NFKB1: variants seen among roughly 807,000 people sequenced by gnomAD.
NFKB1 encodes nuclear factor kappa B subunit 1.
In NFKB1, 9 loss-of-function variants were observed where a neutral mutation model predicts 105.1. The observed-to-expected ratio is 0.09, with a 90% CI of 0.05 to 0.15. The LOEUF (loss-of-function observed/expected upper bound fraction) is 0.15, where lower values mean the gene tolerates loss of function less well. NFKB1 is among the 10% of genes least tolerant of loss of function. The pLI, the probability that NFKB1 is intolerant of heterozygous loss-of-function variation, is 1.00. For missense variants in NFKB1, 830 were observed against 1,203.7 expected (o/e 0.69, Z 4.59); for synonymous variants, 440 against 442.2 (o/e 1.00, Z 0.06).
chr4:102,588,442 A>G (rs970804889), intron 11 of NFKB1, among the ~76,000 whole-genome samples: 1 of 151,930 alleles, frequency 6.6e-6, no homozygotes, highest in African/African-American at 2.4e-5. Context: ...GCTGTACAAA[A>G]GCAAAAAAAA....
chr4:102,578,596 G>C (rs1044748652), intron 7 of NFKB1: 35 of 478,380 alleles, frequency 7.3e-5, no homozygotes, highest in Non-Finnish European at 2.2e-5. Context: ...ACTGTAGAGA[G>C]GAAAGGGAAA....
At chr4:102,606,387 A>T in intron 16 of NFKB1, 109 bp from the exon 17 acceptor site, 1 of 1,027,888 alleles carries the variant, frequency 9.7e-7, no homozygotes, top group Non-Finnish European at 1.5e-6. Flanking sequence ...GGGAATGAGA[A>T]ATATTCCTGC....
chr4:102,539,687 G>T (rs1425006593), intron 5 of NFKB1, among the ~76,000 whole-genome samples: 1 of 152,070 alleles, frequency 6.6e-6, no homozygotes, highest in Admixed American at 6.6e-5. Context: ...TAATCTCTTA[G>T]AAATCTCAGT....
intron 1 of NFKB1, among the ~76,000 whole-genome samples, chr4:102,512,747 A>G (rs1350286962): frequency 6.6e-6 from 1 of 152,194 alleles, no homozygotes; most frequent in Non-Finnish European, 1.5e-5. Flanking sequence ...GTGTATGTGT[A>G]ATCGGAAGGC....
intron 11 of NFKB1, among the ~76,000 whole-genome samples, chr4:102,587,305 AT>A (rs1415296742): frequency 6.6e-6 from 1 of 152,140 alleles, no homozygotes; most frequent in African/African-American, 2.4e-5. Context: ...AATATGGATA[AT>A]TTTTTTAGAC....
In NFKB1 at chr4:102,584,837, A is replaced by G; in HGVS notation, c.1066+17A>G. ...AAATCAAAGGTAAGTCAGTTGTTTA[A>G]AATCTTATGCTCATATTTTATTTTA... On this transcript the variant is annotated intron_variant, in intron 11 of 23. Coordinates refer to ENST00000226574, the MANE Select transcript of NFKB1 (RefSeq NM_003998.4). The G allele has an allele frequency of 6.3e-7, 1 of 1,578,862 alleles. No homozygotes were observed. Among genetic ancestry groups the G allele is most frequent in the Non-Finnish European group, 8.6e-7 (1 of 1,166,878 alleles).
At chr4:102,604,554 T>C (rs1727519126) in intron 16 of NFKB1, among the ~76,000 whole-genome samples, 1 of 152,078 alleles carries the variant, frequency 6.6e-6, no homozygotes, top group Non-Finnish European at 1.5e-5. Context: ...CTAAGTGGCA[T>C]TGTGCTACAT....
At chr4:102,512,700 G>A (rs954202438) in intron 1 of NFKB1, among the ~76,000 whole-genome samples, 20 of 152,140 alleles carry the variant, frequency 1.3e-4, no homozygotes, top group Non-Finnish European at 2.8e-4. Flanking sequence ...AGGGCTTCAT[G>A]GAGCCTGATT....
At position 102,613,488 on chromosome 4, in the gene NFKB1, A is replaced by G; in HGVS notation, c.2656A>G (p.Ile886Val). The G allele has an allele frequency of 6.2e-7, 1 of 1,614,038 alleles. No individual in the cohort carries two copies. The highest frequency in any genetic ancestry group is 8.5e-7 in the Non-Finnish European group (1 of 1,180,008). The change falls in exon 23 of 24, where the codon ATT (isoleucine) becomes GTT (valine). Residue 886 changes from isoleucine (I) to valine (V), a missense_variant. Around this residue, in one of 8 missense-constraint regions of NFKB1, gnomAD observed 418 missense variants for 575.3 expected, o/e 0.73. Transcript: ENST00000226574. ...GAGACAAATGGGCTACACCGAAGCA[A>G]TTGAAGTGATCCAGGCAGCCTCCAG... ...ALRQMGYTEA[I>V]EVIQAASSPV...
At chr4:102,574,937 T>G (rs749658513) in intron 6 of NFKB1, among the ~76,000 whole-genome samples, 1 of 152,170 alleles carries the variant, frequency 6.6e-6, no homozygotes, top group Non-Finnish European at 1.5e-5. Flanking sequence ...CAGTAAAGTG[T>G]AAGATGCTAC....
chr4:102,507,362 C>T (rs1251020685), intron 1 of NFKB1, among the ~76,000 whole-genome samples: 1 of 152,214 alleles, frequency 6.6e-6, no homozygotes, highest in South Asian at 2.1e-4. Flanking sequence ...ATAATCCTTA[C>T]GCTACTAGTA....
At chr4:102,508,845 G>A (rs1192766082) in intron 1 of NFKB1, among the ~76,000 whole-genome samples, 1 of 152,084 alleles carries the variant, frequency 6.6e-6, no homozygotes, top group East Asian at 1.9e-4. Context: ...TGAATGTGAA[G>A]ATAGAATAAT....
Position 102,551,368 on chromosome 4 carries a change from G to GCGCGCA in NFKB1, c.258+13417_258+13418insACGCGC, listed in dbSNP as rs1553931293. ...AATTGGTGTGTGTGTGTGTGTGTGT[G>GCGCGCA]CGCGCGCGCATGTGTGTGTGTGTGT... On this transcript the variant is annotated intron_variant, in intron 5 of 23. Coordinates refer to ENST00000226574, the MANE Select transcript of NFKB1 (RefSeq NM_003998.4). Among the ~76,000 whole-genome samples the GCGCGCA allele has an allele frequency of 3.9e-3, 472 of 120,598 alleles. 1 individual carries two copies. Among genetic ancestry groups the GCGCGCA allele is most frequent in the African/African-American group, 0.014 (408 of 28,240 alleles). 79.1% of individuals were successfully genotyped at this position (120,598 alleles called of 152,430 possible).
chr4:102,515,318 G>T (rs972304991), intron 1 of NFKB1, among the ~76,000 whole-genome samples: 3 of 150,808 alleles, frequency 2.0e-5, no homozygotes, highest in Non-Finnish European at 4.4e-5. Context: ...CACCGTTTTA[G>T]CCGGGATGGT....
Position 102,612,617 on chromosome 4 carries a change from A to C in NFKB1, c.2592+11A>C, listed in dbSNP as rs1430737758. The C allele has an allele frequency of 6.2e-7, 1 of 1,609,798 alleles. No homozygotes were observed. ...ATGGACAACTATGAGGTAACACCTTACCTTACAGATTTAGCAATTTTCATT... is the reference window on the plus strand; with the variant it reads ...ATGGACAACTATGAGGTAACACCTTCCCTTACAGATTTAGCAATTTTCATT... On this transcript the variant is annotated intron_variant, in intron 22 of 23. Transcript: ENST00000226574.
intron 5 of NFKB1, among the ~76,000 whole-genome samples, chr4:102,541,154 A>G (rs1296543498): frequency 6.6e-6 from 1 of 152,216 alleles, no homozygotes; most frequent in African/African-American, 2.4e-5. Context: ...AGATGCTAAT[A>G]GGATTCCTAT....
chr4:102,612,037 C>G lies in NFKB1; in HGVS notation c.2353-7C>G, dbSNP rs1310146030. On this transcript the variant is annotated splice_polypyrimidine_tract_variant and splice_region_variant and intron_variant, in intron 20 of 23. Transcript: ENST00000226574. ...ATAACGATTTCTGGTGTTTTTCTTT[C>G]CAACAGGTATTTGACATATTAAATG... 1.1e-5 allele frequency: 18 copies of G among 1,612,544 alleles called. No homozygotes were observed. The highest frequency in any genetic ancestry group is 1.5e-5 in the Non-Finnish European group (18 of 1,178,656).
intron 1 of NFKB1, among the ~76,000 whole-genome samples, chr4:102,502,341 CTG>C (rs1739113001): frequency 6.6e-6 from 1 of 151,024 alleles, no homozygotes; most frequent in Non-Finnish European, 1.5e-5. Flanking sequence ...GGCTCGCTCT[CTG>C]TCTCTCTCTC....
chr4:102,570,123 AG>A (rs1305203425), intron 6 of NFKB1, among the ~76,000 whole-genome samples: 1 of 152,140 alleles, frequency 6.6e-6, no homozygotes, highest in African/African-American at 2.4e-5. Flanking sequence ...GCTTTCTGGC[AG>A]TTTAGAGACA....
Sources: allele counts gnomAD v4.1 joint callset (sites outside exome capture counted in the v4.1 genomes callset), GRCh38; gene constraint gnomAD v4.1.1; regional missense constraint gnomAD v4.1.1; transcripts MANE v1.5; gene names NCBI Gene and HGNC (gene_info 2026-07-23, HGNC 2026-07-21).